CACNA1B: variants seen among roughly 807,000 people sequenced by gnomAD.
CACNA1B encodes the protein voltage-dependent N-type calcium channel subunit alpha-1B.
A neutral mutation model predicts 247.2 loss-of-function variants in CACNA1B; 70 were observed. The observed-to-expected ratio is 0.28, with a 90% CI of 0.23 to 0.35. The LOEUF (loss-of-function observed/expected upper bound fraction) is 0.35. Ranked by LOEUF, CACNA1B falls within the 10% of genes least tolerant of loss-of-function variation. The pLI is 1.00. For missense variants in CACNA1B, 2,367 were observed against 3,197.4 expected (o/e 0.74, Z 6.26); for synonymous variants, 1,231 against 1,294.4 (o/e 0.95, Z 1.05).
intron 44 of CACNA1B, among the ~76,000 whole-genome samples, chr9:138,119,827 A>G (rs908351307): frequency 6.6e-6 from 1 of 152,144 alleles, no homozygotes; most frequent in East Asian, 1.9e-4. Context: ...TGGCCGTGGA[A>G]GCAGCTCGGG....
Position 137,903,914 on chromosome 9 carries a change from T to C in CACNA1B, c.531-9266T>C, listed in dbSNP as rs1301425763. Reference sequence around the variant, plus strand: ...TGGTGTCACTGCTGGCTTCTGGTGTTTGTCCATCCATCAGGCTGCTGGTTC... The same window carrying C: ...TGGTGTCACTGCTGGCTTCTGGTGTCTGTCCATCCATCAGGCTGCTGGTTC... On this transcript the variant is annotated intron_variant, in intron 3 of 46. Coordinates refer to ENST00000371372, the MANE Select transcript of CACNA1B (RefSeq NM_000718.4). Among the ~76,000 whole-genome samples, 7 of 152,348 alleles carry C rather than the reference T, an allele frequency of 4.6e-5. No individual in the cohort carries two copies. The Middle Eastern group carries it at 0.014, about 296-fold the overall frequency.
rs1957212747 is a variant in CACNA1B, at chr9:137,899,897, G to A, written c.531-13283G>A. ...TGGCTCAGCGCAGACCCTCTGAGGG[G>A]CTGGTCCAGGTTGATGGGGCGTGGG... On this transcript the variant is annotated intron_variant, in intron 3 of 46. Transcript: ENST00000371372. This position sits in a 1 kb window ranked among gnomAD's most constrained non-coding sequence, Gnocchi z 5.0. Among the ~76,000 whole-genome samples, 1 of 152,214 alleles carries A rather than the reference G, an allele frequency of 6.6e-6. No individual in the cohort carries two copies. Among genetic ancestry groups the A allele is most frequent in the Non-Finnish European group, 1.5e-5 (1 of 68,030 alleles).
intron 31 of CACNA1B, 34 bp from the exon 32 acceptor site, chr9:138,069,724 T>C: frequency 6.3e-7 from 1 of 1,578,992 alleles, no homozygotes. Context: ...GTAAATAATA[T>C]GCAAATATCC....
At chr9:137,953,897 G>A (rs1328238935) in intron 7 of CACNA1B, among the ~76,000 whole-genome samples, 1 of 152,118 alleles carries the variant, frequency 6.6e-6, no homozygotes, top group South Asian at 2.1e-4. Context: ...TGGTGCCAAA[G>A]GTGCTGAGAA....
chr9:137,971,727 C>A lies in CACNA1B; in HGVS notation c.1543+135C>A. Reference sequence around the variant, plus strand: ...ATGTTGCTCAAAGTATCCCACAGCCCTAGTCAGCCTCCAGGAGCCTCTGTG... The same window carrying A: ...ATGTTGCTCAAAGTATCCCACAGCCATAGTCAGCCTCCAGGAGCCTCTGTG... On this transcript the variant is annotated intron_variant, in intron 11 of 46. Transcript: ENST00000371372. This position sits in a 1 kb window ranked among gnomAD's most constrained non-coding sequence, Gnocchi z 4.4. 1.4e-6 allele frequency: 1 copy of A among 735,764 alleles called. No individual in the cohort carries two copies. Among genetic ancestry groups the A allele is most frequent in the Non-Finnish European group, 2.2e-6 (1 of 444,932 alleles). 45.6% of individuals were successfully genotyped at this position (735,764 alleles called of 1,614,324 possible).
At chr9:137,938,683 G>GAATGGCTACTCCT (rs1957697075) in intron 6 of CACNA1B, among the ~76,000 whole-genome samples, 1 of 152,132 alleles carries the variant, frequency 6.6e-6, no homozygotes, top group Admixed American at 6.5e-5. Flanking sequence ...AATGATAAAA[G>GAATGGCTACTCCT]GCCTTGTACA....
At chr9:137,995,162 C>T (rs552337470) in intron 15 of CACNA1B, among the ~76,000 whole-genome samples, 6 of 150,398 alleles carry the variant, frequency 4.0e-5, no homozygotes, top group Middle Eastern at 3.4e-3. Flanking sequence ...GAACCAAGAT[C>T]GCGCCATCCA....
rs538233501 is a variant in CACNA1B at position 138,043,034 on chromosome 9, GA to G, written c.3287-736del. ...AATTGAAATATACAATAGGATAGTT[GA>G]AAATGAAGAATTATTGTGAGAAAAA... is the stretch of plus-strand genomic sequence containing the variant. On this transcript the variant is annotated intron_variant, in intron 20 of 46. Transcript: ENST00000371372. Among the ~76,000 whole-genome samples, 45 of 152,322 alleles carry G rather than the reference GA, an allele frequency of 3.0e-4. No individual in the cohort carries two copies. In the East Asian group the frequency reaches 8.3e-3, roughly 28 times the overall value.
chr9:137,926,505 T>C (rs752636230), intron 6 of CACNA1B, among the ~76,000 whole-genome samples: 12 of 152,252 alleles, frequency 7.9e-5, no homozygotes, highest in Non-Finnish European at 1.5e-4. Context: ...GTTGTATAAA[T>C]ATCTCTTTGA....
rs1227131428 is a variant in CACNA1B, at chr9:138,051,061, G to A, written c.3711-1031G>A. Among the ~76,000 whole-genome samples, 1 of 152,122 alleles carries A rather than the reference G, an allele frequency of 6.6e-6. No homozygotes were observed. The highest frequency in any genetic ancestry group is 1.5e-5 in the Non-Finnish European group (1 of 68,026). ...GTGGCCTCTGAGCAGGGTGGGAAGGGTTCCATGTGTGAGTGAATCCCACTC... is the reference window on the plus strand; with the variant it reads ...GTGGCCTCTGAGCAGGGTGGGAAGGATTCCATGTGTGAGTGAATCCCACTC... On this transcript the variant is annotated intron_variant, in intron 24 of 46. Transcript: ENST00000371372. This position sits in a 1 kb window ranked among gnomAD's most constrained non-coding sequence, Gnocchi z 4.3.
intron 39 of CACNA1B, among the ~76,000 whole-genome samples, chr9:138,109,876 A>G (rs1181993920): frequency 1.3e-5 from 2 of 152,070 alleles, no homozygotes; most frequent in African/African-American, 2.4e-5. Flanking sequence ...TTTGAGACCA[A>G]CTTGGCCAAC....
chr9:137,976,036 A>T lies in CACNA1B; in HGVS notation c.1656+17A>T, dbSNP rs41277869. ...GACTTTGGGGTGAGTGAGAGGCCTG[A>T]TCAGGGGCCCAGGCTGTATCCTTTC... On this transcript the variant is annotated intron_variant, in intron 12 of 46. Transcript: ENST00000371372. The T allele has an allele frequency of 0.023, 33,610 of 1,434,290 alleles. 466 individuals carry two copies. The highest frequency in any genetic ancestry group is 0.028 in the Non-Finnish European group (28,204 of 1,017,104). 88.8% of individuals were successfully genotyped at this position (1,434,290 alleles called of 1,614,324 possible).
rs7876019 is a variant in CACNA1B, at chr9:138,007,269, T to G, written c.2092+385T>G. Among the ~76,000 whole-genome samples the G allele has an allele frequency of 0.03, 4,510 of 152,304 alleles. 217 individuals are homozygous for G. Among genetic ancestry groups the G allele is most frequent in the African/African-American group, 0.1 (4,267 of 41,542 alleles). ...GGCTTTAAAAAGGAGCCCTTCCCCC[T>G]GCTGATACCATCCCCTTTGCAGAGA... On this transcript the variant is annotated intron_variant, in intron 16 of 46. Coordinates refer to ENST00000371372, the MANE Select transcript of CACNA1B (RefSeq NM_000718.4). The surrounding 1 kb of genome is among the most constrained non-coding windows in gnomAD (Gnocchi z 4.1).
In CACNA1B at chr9:138,120,903, G is replaced by A. The variant is rs1403219497; in HGVS notation, c.6489+22G>A. On this transcript the variant is annotated intron_variant, in intron 46 of 46. Coordinates refer to ENST00000371372, the MANE Select transcript of CACNA1B (RefSeq NM_000718.4). The stretch of plus-strand genomic sequence containing the variant: ...ACAGGTAAGAGGAATAGGTGGAGAG[G>A]TCAGGGCCCAGCTGCCTCTCCTCGG... 4 of 1,545,276 alleles carry A rather than the reference G, an allele frequency of 2.6e-6. No homozygotes were observed. The African/African-American group carries it at 5.5e-5, about 21-fold the overall frequency.
intron 18 of CACNA1B, chr9:138,017,253 C>G (rs1958804659): frequency 1.9e-6 from 1 of 515,244 alleles, no homozygotes; most frequent in Non-Finnish European, 3.9e-6. Flanking sequence ...TAACTACATG[C>G]AGACACCTTC....
intron 20 of CACNA1B, among the ~76,000 whole-genome samples, chr9:138,033,687 A>G (rs571543817): frequency 6.6e-5 from 10 of 152,324 alleles, no homozygotes; most frequent in African/African-American, 2.4e-4. Flanking sequence ...ACTTAAAATC[A>G]TGGCGGTAGG....
rs544301768 is a variant in CACNA1B at position 138,075,089 on chromosome 9, G to A, written c.4858-730G>A. On this transcript the variant is annotated intron_variant, in intron 34 of 46. Coordinates refer to ENST00000371372, the MANE Select transcript of CACNA1B (RefSeq NM_000718.4). The stretch of plus-strand genomic sequence containing the variant: ...TGACCACTTTTCCAACAGCAGGGAC[G>A]GAAGAGGGACCCGAGTGTTAATTTG... Among the ~76,000 whole-genome samples the A allele has an allele frequency of 6.6e-5, 10 of 152,354 alleles. No homozygotes were observed. In the South Asian group the frequency reaches 1.0e-3, roughly 16 times the overall value.
At position 138,020,632 on chromosome 9, in the gene CACNA1B, G is replaced by A. The variant is rs561111254; in HGVS notation, c.2268-2379G>A. ...AGGGCTGACAGTGGCAGATAGGCCCGGAAGGAACAGGCCAGGTGGAACCAG... is the reference window on the plus strand; with the variant it reads ...AGGGCTGACAGTGGCAGATAGGCCCAGAAGGAACAGGCCAGGTGGAACCAG... On this transcript the variant is annotated intron_variant, in intron 18 of 46. Coordinates refer to ENST00000371372, the MANE Select transcript of CACNA1B (RefSeq NM_000718.4). The surrounding 1 kb of genome is among the most constrained non-coding windows in gnomAD (Gnocchi z 4.1). 9.3e-4 allele frequency among the ~76,000 whole-genome samples: 141 copies of A among 152,310 alleles called. 1 individual carries two copies. Among genetic ancestry groups the A allele is most frequent in the Non-Finnish European group, 1.6e-4 (11 of 68,018 alleles).
intron 2 of CACNA1B, among the ~76,000 whole-genome samples, chr9:137,879,439 G>A (rs1243732287): frequency 6.6e-6 from 1 of 152,212 alleles, no homozygotes; most frequent in Non-Finnish European, 1.5e-5. Context: ...GGCTTTCGGC[G>A]CTAGACTTTG....
Sources: allele counts gnomAD v4.1 joint callset (sites outside exome capture counted in the v4.1 genomes callset), GRCh38; gene constraint gnomAD v4.1.1; non-coding constraint Gnocchi (gnomAD v3.1); transcripts MANE v1.5; gene names NCBI Gene and HGNC (gene_info 2026-07-23, HGNC 2026-07-21).